The following GRIN2A variants were observed in gnomAD, a reference collection of about 807,000 sequenced individuals.
GRIN2A encodes glutamate ionotropic receptor NMDA type subunit 2A, also known as glutamate receptor ionotropic, NMDA 2A.
Under a neutral mutation model 113.4 loss-of-function variants are expected in GRIN2A, and 22 were observed. That is an observed-to-expected ratio of 0.19 (90% confidence interval 0.14 to 0.28). The LOEUF is 0.28. Ranked by LOEUF, GRIN2A falls within the 10% of genes least tolerant of loss-of-function variation. GRIN2A has a pLI of 1.00. For synonymous variants in GRIN2A, 827 were observed against 738.4 expected (o/e 1.12, Z -1.94); for missense variants, 1,502 against 1,887.0 (o/e 0.80, Z 3.78).
At chr16:9,775,601 C>T (rs1422814861) in intron 11 of GRIN2A, among the ~76,000 whole-genome samples, 3 of 152,132 alleles carry the variant, frequency 2.0e-5, no homozygotes, top group Non-Finnish European at 2.9e-5. Context: ...GATCAGAGAG[C>T]AGTTCAGGAT....
chr16:9,775,920 T>C (rs1490763897), intron 11 of GRIN2A, among the ~76,000 whole-genome samples: 1 of 152,202 alleles, frequency 6.6e-6, no homozygotes, highest in East Asian at 1.9e-4. Context: ...GGTGCTACCA[T>C]GTGGAGGAAG....
At chr16:10,018,745 G>A (rs1300669110) in intron 2 of GRIN2A, among the ~76,000 whole-genome samples, 1 of 152,130 alleles carries the variant, frequency 6.6e-6, no homozygotes, top group Non-Finnish European at 1.5e-5. Context: ...CTTTCACCAT[G>A]AAGATGAGCA....
chr16:10,166,610 T>C (rs1386944539), intron 2 of GRIN2A, among the ~76,000 whole-genome samples: 2 of 152,194 alleles, frequency 1.3e-5, no homozygotes, highest in African/African-American at 4.8e-5. Context: ...TGCACTTGCA[T>C]TATGAGTCTC....
At chr16:10,135,631 T>C (rs1312778541) in intron 2 of GRIN2A, among the ~76,000 whole-genome samples, 3 of 152,286 alleles carry the variant, frequency 2.0e-5, no homozygotes, top group East Asian at 1.9e-4. Context: ...TATTAAGAAA[T>C]ACATGACAAG....
intron 2 of GRIN2A, among the ~76,000 whole-genome samples, chr16:10,041,663 TTAAAGA>T (rs1355908192): frequency 6.6e-6 from 1 of 151,898 alleles, no homozygotes; most frequent in Non-Finnish European, 1.5e-5. Flanking sequence ...GCAATAAGAG[TTAAAGA>T]TAATATATGT....
chr16:9,917,603 T>G (rs1419577396), intron 3 of GRIN2A, among the ~76,000 whole-genome samples: 1 of 152,236 alleles, frequency 6.6e-6, no homozygotes, highest in African/African-American at 2.4e-5. Context: ...TTTAACTTTT[T>G]TGAAATAAAG....
intron 3 of GRIN2A, among the ~76,000 whole-genome samples, chr16:9,894,552 A>G (rs2043764555): frequency 6.6e-6 from 1 of 152,096 alleles, no homozygotes; most frequent in Admixed American, 6.5e-5. Flanking sequence ...GGTGTGCTCC[A>G]CCTCACACCT....
At chr16:10,119,527 A>G (rs2048792867) in intron 2 of GRIN2A, among the ~76,000 whole-genome samples, 1 of 152,228 alleles carries the variant, frequency 6.6e-6, no homozygotes, top group South Asian at 2.1e-4. Flanking sequence ...AAAGGAAGGA[A>G]GGCGGCTTTT....
chr16:9,918,587 G>A (rs188955901), intron 3 of GRIN2A, among the ~76,000 whole-genome samples: 3 of 152,284 alleles, frequency 2.0e-5, no homozygotes, highest in African/African-American at 4.8e-5. Flanking sequence ...ATTCAAAAGC[G>A]ACTAACATAT....
chr16:9,856,783 A>G (rs1166643142), intron 4 of GRIN2A, among the ~76,000 whole-genome samples: 1 of 152,038 alleles, frequency 6.6e-6, no homozygotes, highest in Non-Finnish European at 1.5e-5. Flanking sequence ...AAACTGAGGC[A>G]TGGGGTTTAA....
At chr16:9,808,292 A>C (rs1202177595) in intron 10 of GRIN2A, among the ~76,000 whole-genome samples, 1 of 152,180 alleles carries the variant, frequency 6.6e-6, no homozygotes, top group African/African-American at 2.4e-5. Context: ...ACTGGAGTCT[A>C]AGATGTTAAT....
At chr16:10,107,569 C>T (rs1392697489) in intron 2 of GRIN2A, among the ~76,000 whole-genome samples, 1 of 152,200 alleles carries the variant, frequency 6.6e-6, no homozygotes, top group Non-Finnish European at 1.5e-5. Flanking sequence ...CTGGAATTTG[C>T]AGACCAGGGC....
chr16:9,981,862 C>T (rs2045898498), intron 2 of GRIN2A, among the ~76,000 whole-genome samples: 1 of 152,212 alleles, frequency 6.6e-6, no homozygotes, highest in Admixed American at 6.5e-5. Flanking sequence ...TCTCTGCTCA[C>T]TGCAACCTCT....
intron 7 of GRIN2A, among the ~76,000 whole-genome samples, chr16:9,840,400 C>A (rs1211320563): frequency 6.6e-6 from 1 of 152,076 alleles, no homozygotes; most frequent in Non-Finnish European, 1.5e-5. Flanking sequence ...AGAAACCATC[C>A]CCATGATCCC....
chr16:9,872,598 G>A lies in GRIN2A; in HGVS notation c.1122+18388C>T, dbSNP rs534172031. On this transcript the variant is annotated intron_variant, in intron 4 of 12. Transcript: ENST00000330684. Reference sequence around the variant, plus strand: ...TTGGTAATGAAACTCAAATCTTCGGGTAAAGAAAATGTGGTATATATACAC... The same window carrying A: ...TTGGTAATGAAACTCAAATCTTCGGATAAAGAAAATGTGGTATATATACAC... 3.7e-4 allele frequency among the ~76,000 whole-genome samples: 57 copies of A among 152,180 alleles called. 2 individuals carry two copies. The South Asian group carries it at 0.011, about 30-fold the overall frequency.
intron 2 of GRIN2A, among the ~76,000 whole-genome samples, chr16:10,120,823 A>G (rs2048818528): frequency 6.6e-6 from 1 of 151,946 alleles, no homozygotes; most frequent in Non-Finnish European, 1.5e-5. Flanking sequence ...AGAAGCCTTC[A>G]TATTCTCTCC....
At chr16:10,165,174 T>A (rs954206969) in intron 2 of GRIN2A, among the ~76,000 whole-genome samples, 15 of 152,206 alleles carry the variant, frequency 9.9e-5, no homozygotes, top group Non-Finnish European at 2.2e-4. Flanking sequence ...ATCAAGTAAA[T>A]CATGAGATAT....
intron 4 of GRIN2A, among the ~76,000 whole-genome samples, chr16:9,864,940 C>T (rs146654619): frequency 6.6e-6 from 1 of 152,242 alleles, no homozygotes; most frequent in East Asian, 1.9e-4. Flanking sequence ...AGGATGCTAA[C>T]CAAAGCCGTT....
rs565442534 is a variant in GRIN2A, at chr16:10,019,124, C to A, written c.415-80573G>T. Among the ~76,000 whole-genome samples the A allele has an allele frequency of 1.3e-4, 15 of 118,132 alleles. No individual in the cohort carries two copies. In the East Asian group the frequency reaches 3.4e-3, roughly 27 times the overall value. The allele number at this position is 118,132 out of a possible 152,430, so 77.5% of individuals were successfully genotyped here. A position where few individuals can be genotyped will look rare whatever the true frequency, so the allele number is the denominator to read the frequency against. On this transcript the variant is annotated intron_variant, in intron 2 of 12. Transcript: ENST00000330684. The stretch of plus-strand genomic sequence containing the variant: ...CCTTGAGCAAATTGCAGGATCTGTG[C>A]CTCAGTTGCCCCATTAATAAAAAGA...
Sources: gnomAD v4.1 joint callset for allele counts (sites outside exome capture counted in the v4.1 genomes callset) on GRCh38, gnomAD v4.1.1 for gene constraint, MANE v1.5 for transcripts, NCBI Gene and HGNC (gene_info 2026-07-23, HGNC 2026-07-21) for gene names.